The following MAGI1 variants were observed in gnomAD, a reference collection of about 807,000 sequenced individuals.
The protein encoded by MAGI1 is membrane-associated guanylate kinase, WW and PDZ domain-containing protein 1.
In MAGI1, 58 loss-of-function variants were observed where a neutral mutation model predicts 139.9. The observed-to-expected ratio is 0.41, with a 90% CI of 0.34 to 0.52. The LOEUF (loss-of-function observed/expected upper bound fraction) is 0.52. Among genes scored for constraint, MAGI1 ranks in the 20% least tolerant of loss-of-function variants. MAGI1 has a pLI of 0.12. For synonymous variants in MAGI1, 812 were observed against 737.9 expected (o/e 1.10, Z -1.63); for missense variants, 1,874 against 1,901.6 (o/e 0.99, Z 0.27).
chr3:65,704,138 A>G (rs1377080531), intron 1 of MAGI1, among the ~76,000 whole-genome samples: 1 of 152,162 alleles, frequency 6.6e-6, no homozygotes, highest in African/African-American at 2.4e-5. Flanking sequence ...TCACAGGAAA[A>G]GACCATCCTA....
At chr3:66,028,795 T>C (rs1230172467) in intron 1 of MAGI1, among the ~76,000 whole-genome samples, 2 of 152,038 alleles carry the variant, frequency 1.3e-5, no homozygotes, top group African/African-American at 4.8e-5. Context: ...ACTAATCCAG[T>C]CTCAGCCTTT....
intron 1 of MAGI1, among the ~76,000 whole-genome samples, chr3:65,854,695 T>G (rs1159934274): frequency 6.6e-6 from 1 of 152,188 alleles, no homozygotes; most frequent in Non-Finnish European, 1.5e-5. Context: ...GGCACAAACC[T>G]AAAAACACAG....
chr3:65,951,914 C>G (rs979050798), intron 1 of MAGI1, among the ~76,000 whole-genome samples: 9 of 152,150 alleles, frequency 5.9e-5, no homozygotes, highest in African/African-American at 2.2e-4. Flanking sequence ...TCTTAAGGCA[C>G]TGAAGAACAA....
At chr3:65,969,762 T>C (rs1166789533) in intron 1 of MAGI1, among the ~76,000 whole-genome samples, 2 of 152,238 alleles carry the variant, frequency 1.3e-5, no homozygotes, top group African/African-American at 2.4e-5. Context: ...ACTAGCCATA[T>C]GGGGCTATTA....
intron 1 of MAGI1, among the ~76,000 whole-genome samples, chr3:65,624,719 A>T (rs1320158620): frequency 6.6e-6 from 1 of 152,214 alleles, no homozygotes; most frequent in African/African-American, 2.4e-5. Flanking sequence ...TTGAGAAAAC[A>T]GGGTGAAGGA....
At chr3:65,533,678 CTA>C (rs748619785) in intron 2 of MAGI1, among the ~76,000 whole-genome samples, 12 of 152,300 alleles carry the variant, frequency 7.9e-5, no homozygotes, top group Admixed American at 5.9e-4. Flanking sequence ...ATGTAGAAAG[CTA>C]TATACAGAGT....
chr3:65,575,591 C>G (rs1179385491), intron 2 of MAGI1, among the ~76,000 whole-genome samples: 2 of 152,144 alleles, frequency 1.3e-5, no homozygotes, highest in Non-Finnish European at 2.9e-5. Context: ...GCAGCTTAAT[C>G]TGTAATAGAC....
intron 2 of MAGI1, among the ~76,000 whole-genome samples, chr3:65,607,147 GT>G (rs2082784518): frequency 6.6e-6 from 1 of 150,770 alleles, no homozygotes; most frequent in Non-Finnish European, 1.5e-5. Context: ...CTGTAATATG[GT>G]TTGGGATGCC....
intron 2 of MAGI1, among the ~76,000 whole-genome samples, chr3:65,538,684 C>G (rs544381164): frequency 1.3e-5 from 2 of 152,216 alleles, no homozygotes; most frequent in South Asian, 2.1e-4. Flanking sequence ...ATGCCATGCT[C>G]TCATCTAACC....
At chr3:65,550,685 C>T (rs1444895166) in intron 2 of MAGI1, among the ~76,000 whole-genome samples, 4 of 152,118 alleles carry the variant, frequency 2.6e-5, no homozygotes, top group Non-Finnish European at 5.9e-5. Context: ...ATTCCCAAGG[C>T]TAAGCACCAT....
intron 1 of MAGI1, among the ~76,000 whole-genome samples, chr3:65,698,685 G>A (rs1373387264): frequency 2.6e-5 from 4 of 151,466 alleles, no homozygotes; most frequent in Admixed American, 2.0e-4. Flanking sequence ...GTAGAAAGCT[G>A]AAACTGGATC....
chr3:65,653,865 G>C (rs1277082677), intron 1 of MAGI1, among the ~76,000 whole-genome samples: 2 of 152,084 alleles, frequency 1.3e-5, no homozygotes, highest in Non-Finnish European at 2.9e-5. Flanking sequence ...TGTGACTCCA[G>C]TATATAAAAC....
At chr3:65,851,287 G>C (rs1035230150) in intron 1 of MAGI1, among the ~76,000 whole-genome samples, 1 of 152,134 alleles carries the variant, frequency 6.6e-6, no homozygotes, top group African/African-American at 2.4e-5. Context: ...ATACATAAAA[G>C]TGCTCTGCAT....
At chr3:65,872,151 T>C (rs568538156) in intron 1 of MAGI1, among the ~76,000 whole-genome samples, 45 of 152,288 alleles carry the variant, frequency 3.0e-4, no homozygotes, top group African/African-American at 9.9e-4. Flanking sequence ...ATAATTACAT[T>C]AGCACAATGA....
At chr3:65,382,547 C>A (rs1263787255) in intron 15 of MAGI1, among the ~76,000 whole-genome samples, 1 of 152,150 alleles carries the variant, frequency 6.6e-6, no homozygotes, top group Non-Finnish European at 1.5e-5. Flanking sequence ...AGTCTTTTAG[C>A]ACCCGAAAGC....
At chr3:65,834,970 T>C (rs1285337519) in intron 1 of MAGI1, among the ~76,000 whole-genome samples, 1 of 152,206 alleles carries the variant, frequency 6.6e-6, no homozygotes, top group African/African-American at 2.4e-5. Context: ...CCTGCCTATA[T>C]TGTTTCATTT....
intron 12 of MAGI1, among the ~76,000 whole-genome samples, chr3:65,405,415 T>C (rs2107148752): frequency 6.6e-6 from 1 of 152,306 alleles, no homozygotes; most frequent in African/African-American, 2.4e-5. Context: ...TGTAACAGAA[T>C]ACATACCATT....
intron 2 of MAGI1, among the ~76,000 whole-genome samples, chr3:65,610,918 C>CTATATAGTAGATAGTA (rs1417247098): frequency 7.4e-6 from 1 of 135,070 alleles, no homozygotes; most frequent in African/African-American, 2.8e-5. Flanking sequence ...TATATAGACA[C>CTATATAGTAGATAGTA]TATATAGTAG....
intron 13 of MAGI1, among the ~76,000 whole-genome samples, chr3:65,398,308 T>G (rs1056691204): frequency 6.6e-6 from 1 of 152,012 alleles, no homozygotes; most frequent in African/African-American, 2.4e-5. Context: ...GAGACCAGCC[T>G]GGGCAAGATG....
Sources: gnomAD v4.1 joint callset for allele counts (sites outside exome capture counted in the v4.1 genomes callset) on GRCh38, gnomAD v4.1.1 for gene constraint, MANE v1.5 for transcripts, NCBI Gene and HGNC (gene_info 2026-07-23, HGNC 2026-07-21) for gene names.